Variants in ATP6V1E2 observed in about 807,000 individuals in gnomAD.
ATP6V1E2 encodes ATPase H+ transporting V1 subunit E2, also known as V-type proton ATPase subunit E 2.
For synonymous variants in ATP6V1E2, 121 were observed against 104.2 expected (o/e 1.16, Z -0.98); for missense variants, 308 against 273.3 (o/e 1.13, Z -0.90).
At chr2:46,529,492 C>T (rs1274822701) in intron 4 of ATP6V1E2, among the ~76,000 whole-genome samples, 2 of 152,220 alleles carry the variant, frequency 1.3e-5, no homozygotes, top group Non-Finnish European at 2.9e-5. Flanking sequence ...TGGTGGCTCA[C>T]GCCTGTAATC....
chr2:46,512,283 CAGG>C lies in ATP6V1E2; in HGVS notation c.426_428del (p.Leu143del). The C allele has an allele frequency of 6.2e-7, 1 of 1,611,410 alleles. No individual in the cohort carries two copies. Among genetic ancestry groups the C allele is most frequent in the East Asian group, 2.2e-5 (1 of 44,822 alleles). ...TGGCTTTTTGTACAGCAGCCTCCAC[CAGG>C]AGGAGGTCTTGTGGCCGGCAGCGTA... On this transcript the variant is annotated inframe_deletion, in exon 5 of 5. Coordinates refer to ENST00000522587, the MANE Select transcript of ATP6V1E2 (RefSeq NM_001318063.2).
chr2:46,527,414 G>C (rs1431876725), intron 4 of ATP6V1E2, among the ~76,000 whole-genome samples: 3 of 152,098 alleles, frequency 2.0e-5, no homozygotes, highest in African/African-American at 7.2e-5. Flanking sequence ...GTAGAGACAG[G>C]GTTTCACCAT....
In ATP6V1E2 at chr2:46,530,506, G is replaced by C. The variant is rs552747753; in HGVS notation, c.-102+5307C>G. 6.6e-6 allele frequency among the ~76,000 whole-genome samples: 1 copy of C among 152,288 alleles called. No homozygotes were observed. The highest frequency in any genetic ancestry group is 2.4e-5 in the African/African-American group (1 of 41,570). On this transcript the variant is annotated intron_variant, in intron 4 of 4. Transcript: ENST00000522587. The surrounding 1 kb of genome is among the most constrained non-coding windows in gnomAD (Gnocchi z 5.2). ...CCCGCTTTCCCTGGCCACCTGCCCT[G>C]CACTCTCCTCAAGTGTTATTATATA...
chr2:46,539,979 C>A (rs1667647560), intron 2 of ATP6V1E2, among the ~76,000 whole-genome samples: 1 of 152,224 alleles, frequency 6.6e-6, no homozygotes. Context: ...CTAGAAGTGA[C>A]TGTGGCTTTC....
At chr2:46,538,005 G>A (rs1464966554) in intron 2 of ATP6V1E2, among the ~76,000 whole-genome samples, 2 of 152,068 alleles carry the variant, frequency 1.3e-5, no homozygotes, top group African/African-American at 4.8e-5. Context: ...AAATCATAAT[G>A]TAGATGCCTC....
At chr2:46,520,868 T>C (rs901998554) in intron 4 of ATP6V1E2, among the ~76,000 whole-genome samples, 15 of 152,120 alleles carry the variant, frequency 9.9e-5, no homozygotes, top group South Asian at 2.1e-4. Flanking sequence ...TTTTTTCTTT[T>C]TTGCCTTTTT....
chr2:46,516,369 G>A (rs964570564), intron 4 of ATP6V1E2, among the ~76,000 whole-genome samples: 3 of 152,200 alleles, frequency 2.0e-5, no homozygotes, highest in African/African-American at 7.2e-5. Context: ...ATCAATAGCT[G>A]AAGGAAAATT....
rs1278136174 is a variant in ATP6V1E2 at position 46,534,031 on chromosome 2, C to T, written c.-102+1782G>A. 2.0e-5 allele frequency among the ~76,000 whole-genome samples: 3 copies of T among 152,120 alleles called. No homozygotes were observed. In the East Asian group the frequency reaches 5.8e-4, roughly 29 times the overall value. On this transcript the variant is annotated intron_variant, in intron 4 of 4. Coordinates refer to ENST00000522587, the MANE Select transcript of ATP6V1E2 (RefSeq NM_001318063.2). ...TTACTGGTTTTCAGTGATTTAATTA[C>T]AAAGTGCCTCGCTTGATATGGTTTG...
intron 4 of ATP6V1E2, chr2:46,534,485 G>A (rs974125656): frequency 6.6e-6 from 1 of 151,038 alleles, no homozygotes; most frequent in Non-Finnish European, 1.5e-5. Flanking sequence ...GTCTGCTAAC[G>A]TTATTATCTC....
chr2:46,539,977 G>C (rs1010375167), intron 2 of ATP6V1E2, among the ~76,000 whole-genome samples: 2 of 152,216 alleles, frequency 1.3e-5, no homozygotes, highest in African/African-American at 4.8e-5. Context: ...AGCTAGAAGT[G>C]ACTGTGGCTT....
At position 46,512,764 on chromosome 2, in the gene ATP6V1E2, T is replaced by C; in HGVS notation, c.-53A>G. On this transcript the variant is annotated 5_prime_UTR_variant, in exon 5 of 5. Transcript: ENST00000522587. ...GGGAGCTCGTACACCGTTTGGCTCC[T>C]TTGACTTAGGACAATTTCAGGAGTG... 6.7e-7 allele frequency: 1 copy of C among 1,493,162 alleles called. No homozygotes were observed. The highest frequency in any genetic ancestry group is 9.0e-7 in the Non-Finnish European group (1 of 1,109,992). The allele number at this position is 1,493,162 out of a possible 1,614,324, so 92.5% of individuals were successfully genotyped here.
intron 4 of ATP6V1E2, chr2:46,528,020 G>A (rs908688525): frequency 1.3e-5 from 2 of 152,154 alleles, no homozygotes; most frequent in African/African-American, 2.4e-5. Context: ...CCGTTTGGTG[G>A]ACTATGAAAT....
intron 2 of ATP6V1E2, chr2:46,537,407 C>A (rs1667500508): frequency 6.6e-6 from 1 of 152,164 alleles, no homozygotes; most frequent in South Asian, 2.1e-4. Context: ...CTAAGTTGAG[C>A]TAATCAGAAG....
intron 4 of ATP6V1E2, among the ~76,000 whole-genome samples, chr2:46,522,476 G>C (rs1328470259): frequency 6.6e-6 from 1 of 151,476 alleles, no homozygotes; most frequent in African/African-American, 2.4e-5. Flanking sequence ...TCCACTATGA[G>C]TGAGAACATG....
At chr2:46,524,356 G>A (rs1489574141) in intron 4 of ATP6V1E2, among the ~76,000 whole-genome samples, 1 of 152,164 alleles carries the variant, frequency 6.6e-6, no homozygotes, top group African/African-American at 2.4e-5. Flanking sequence ...GGAAAACTCA[G>A]ACAAGAAAAT....
chr2:46,526,414 C>T (rs953497437), intron 4 of ATP6V1E2, among the ~76,000 whole-genome samples: 1 of 152,176 alleles, frequency 6.6e-6, no homozygotes, highest in Non-Finnish European at 1.5e-5. Flanking sequence ...CCACACCCTG[C>T]CTTTTTAAGT....
At chr2:46,518,594 G>A (rs540045674) in intron 4 of ATP6V1E2, among the ~76,000 whole-genome samples, 3 of 151,642 alleles carry the variant, frequency 2.0e-5, no homozygotes, top group South Asian at 4.2e-4. Context: ...TTGTGACAAA[G>A]ACCAAGCCCT....
chr2:46,520,800 G>T (rs1334614156), intron 4 of ATP6V1E2, among the ~76,000 whole-genome samples: 2 of 152,100 alleles, frequency 1.3e-5, no homozygotes, highest in African/African-American at 4.8e-5. Flanking sequence ...GTGCAGATAG[G>T]TGTTCATTTA....
At chr2:46,537,822 G>A (rs1307218121) in intron 2 of ATP6V1E2, among the ~76,000 whole-genome samples, 1 of 152,132 alleles carries the variant, frequency 6.6e-6, no homozygotes, top group East Asian at 1.9e-4. Flanking sequence ...GCAAATGAAT[G>A]TGTTTTAGAA....
Sources: gnomAD v4.1 joint callset for allele counts (sites outside exome capture counted in the v4.1 genomes callset) on GRCh38, gnomAD v4.1.1 for gene constraint, Gnocchi (gnomAD v3.1) non-coding constraint, MANE v1.5 for transcripts, NCBI Gene and HGNC (gene_info 2026-07-23, HGNC 2026-07-21) for gene names.